Variants in ITGA6 observed in about 807,000 individuals in gnomAD.
ITGA6 encodes integrin alpha-6.
A neutral mutation model predicts 133.6 loss-of-function variants in ITGA6; 63 were observed. The ratio of observed to expected loss-of-function variants is 0.47; its 90% CI spans 0.38 to 0.58. The LOEUF (loss-of-function observed/expected upper bound fraction) is 0.58. Ranked by LOEUF, ITGA6 falls within the 20% of genes least tolerant of loss-of-function variation. The pLI is 0.00. For synonymous variants in ITGA6, 434 were observed against 482.0 expected (o/e 0.90, Z 1.30); for missense variants, 1,068 against 1,309.4 (o/e 0.82, Z 2.85).
chr2:172,504,237 T>G lies in ITGA6; in HGVS notation c.*169T>G, dbSNP rs1413323267. ...AGTGGATCACAAAGTGGAACGAAAATGAAAGCTACTCATAGCGGGGGCCTA... is the reference window on the plus strand; with the variant it reads ...AGTGGATCACAAAGTGGAACGAAAAGGAAAGCTACTCATAGCGGGGGCCTA... On this transcript the variant is annotated 3_prime_UTR_variant, in exon 26 of 26. Transcript: ENST00000684293. 1.0e-5 allele frequency: 16 copies of G among 1,570,990 alleles called. No homozygotes were observed. Among genetic ancestry groups the G allele is most frequent in the African/African-American group, 8.3e-5 (6 of 72,678 alleles).
chr2:172,493,001 T>C (rs1485497288), intron 23 of ITGA6, among the ~76,000 whole-genome samples: 1 of 152,152 alleles, frequency 6.6e-6, no homozygotes, highest in Non-Finnish European at 1.5e-5. Flanking sequence ...CTTGAATGCC[T>C]GGGCTCAAGC....
In ITGA6 at chr2:172,470,976, A is replaced by G; in HGVS notation, c.646A>G (p.Ile216Val). 1.2e-6 allele frequency: 2 copies of G among 1,613,714 alleles called. No homozygotes were observed. The highest frequency in any genetic ancestry group is 4.5e-5 in the East Asian group (2 of 44,872). Residue 216 changes from isoleucine (I) to valine (V), a missense_variant and splice_region_variant, in exon 5 of 26, where the codon ATT becomes GTT. Coordinates refer to ENST00000684293, the MANE Select transcript of ITGA6 (RefSeq NM_000210.4). ...TTTTTACCATTTCATTCCTTTAGGGATTGTTCGTGTAGAGCAAAAGAATAA... is the reference window on the plus strand; with the variant it reads ...TTTTTACCATTTCATTCCTTTAGGGGTTGTTCGTGTAGAGCAAAAGAATAA... ...GAPGTYNWKGIVRVEQKNNTF... is the reference protein window; with the variant it reads ...GAPGTYNWKGVVRVEQKNNTF...
chr2:172,428,181 G>C (rs2148986238), intron 1 of ITGA6: 1 of 288,684 alleles, frequency 3.5e-6, no homozygotes, highest in East Asian at 7.0e-5. Flanking sequence ...CGGGAAGGAG[G>C]AGAACCCGAG....
rs981716802 is a variant in ITGA6, at chr2:172,465,999, C to T, written c.307+336C>T. On this transcript the variant is annotated intron_variant, in intron 2 of 25. Coordinates refer to ENST00000684293, the MANE Select transcript of ITGA6 (RefSeq NM_000210.4). ...AGAATGAATGAGCGTATCTTGTATT[C>T]ATCAGCCAAAAGTTCTCACATGCTG... The T allele has an allele frequency of 6.2e-5, 24 of 385,920 alleles. 1 individual carries two copies. The highest frequency in any genetic ancestry group is 5.7e-4 in the South Asian group (24 of 42,004). The allele number at this position is 385,920 out of a possible 1,614,324, so 23.9% of individuals were successfully genotyped here.
intron 4 of ITGA6, 33 bp from the exon 5 acceptor site, chr2:172,470,941 T>G (rs1685905510): frequency 1.9e-6 from 3 of 1,610,078 alleles, no homozygotes; most frequent in Admixed American, 3.3e-5. Flanking sequence ...TCATCTTCAT[T>G]TTTTTGTTGT....
intron 23 of ITGA6, among the ~76,000 whole-genome samples, chr2:172,494,824 C>T (rs1687064921): frequency 6.6e-6 from 1 of 152,144 alleles, no homozygotes; most frequent in Admixed American, 6.5e-5. Context: ...ATATTGTCCC[C>T]ATTTATCCCT....
At position 172,465,641 on chromosome 2, in the gene ITGA6, G is replaced by A. The variant is rs771279582; in HGVS notation, c.285G>A (p.Thr95=). 6.8e-6 allele frequency: 11 copies of A among 1,614,244 alleles called. No homozygotes were observed. The highest frequency in any genetic ancestry group is 1.7e-5 in the Admixed American group (1 of 60,030). ...ACATCACCGCCCGGGGGCCATGCAC[G>A]CGGATCGAGTTTGATAACGATGGTG... ...SCDITARGPC[T]RIEFDNDADP... The change falls in exon 2 of 26, where the codon ACG becomes ACA. Residue 95 remains threonine, a synonymous_variant. Transcript: ENST00000684293.
intron 23 of ITGA6, among the ~76,000 whole-genome samples, chr2:172,496,150 A>G (rs191186154): frequency 4.1e-4 from 63 of 152,290 alleles, no homozygotes; most frequent in Admixed American, 3.7e-3. Context: ...TAACTATTCT[A>G]TTGCTTCACT....
chr2:172,487,282 A>G lies in ITGA6; in HGVS notation c.1989A>G (p.Glu663=), dbSNP rs1574400201. ...SYLPIQKGVP[E]LVLKDQKDIA... is the part of the protein sequence containing the mutation. ...TTAATAGTCAAAAAGGTGTACCAGA[A>G]CTAGTTCTAAAAGATCAGAAGGATA... The change falls in exon 15 of 26, where the codon GAA becomes GAG. Residue 663 remains glutamate (E), a synonymous_variant. Coordinates refer to ENST00000684293, the MANE Select transcript of ITGA6 (RefSeq NM_000210.4). 1 of 1,613,626 alleles carries G rather than the reference A, an allele frequency of 6.2e-7. No individual in the cohort carries two copies. The highest frequency in any genetic ancestry group is 8.5e-7 in the Non-Finnish European group (1 of 1,179,500).
At position 172,505,586 on chromosome 2, in the gene ITGA6, T is replaced by TTTAA. The variant is rs985751139; in HGVS notation, c.*1522_*1525dup. On this transcript the variant is annotated 3_prime_UTR_variant, in exon 26 of 26. Coordinates refer to ENST00000684293, the MANE Select transcript of ITGA6 (RefSeq NM_000210.4). Reference sequence around the variant, plus strand: ...TGAATAGATATGAAAGCTGATTTTTTTTAATTACCATGCTTCACAATGTTA... The same window carrying TTTAA: ...TGAATAGATATGAAAGCTGATTTTTTTTAATTAATTACCATGCTTCACAATGTTA... The TTTAA allele has an allele frequency of 2.0e-4, 31 of 152,768 alleles. No homozygotes were observed. Among genetic ancestry groups the TTTAA allele is most frequent in the Admixed American group, 1.1e-3 (17 of 15,308 alleles). 9.5% of individuals were successfully genotyped at this position (152,768 alleles called of 1,614,324 possible).
chr2:172,444,577 C>T (rs1414890713), intron 1 of ITGA6, among the ~76,000 whole-genome samples: 3 of 149,050 alleles, frequency 2.0e-5, no homozygotes, highest in Admixed American at 6.7e-5. Context: ...TGCAAATATT[C>T]CAAAATCCCC....
chr2:172,459,340 A>G (rs1685337166), intron 1 of ITGA6, among the ~76,000 whole-genome samples: 1 of 152,118 alleles, frequency 6.6e-6, no homozygotes, highest in African/African-American at 2.4e-5. Context: ...CCCATCTCTA[A>G]TAAAAGTACA....
intron 5 of ITGA6, chr2:172,472,646 G>T (rs1056763401): frequency 1.6e-6 from 1 of 636,654 alleles, no homozygotes; most frequent in East Asian, 2.7e-5. Context: ...TTGGAAGCTG[G>T]CAATGAGAGC....
At chr2:172,481,319 A>G (rs1265974617) in intron 11 of ITGA6, among the ~76,000 whole-genome samples, 1 of 152,242 alleles carries the variant, frequency 6.6e-6, no homozygotes, top group Non-Finnish European at 1.5e-5. Flanking sequence ...GAAACAGGAA[A>G]AAATAGCCAC....
At chr2:172,443,625 C>G (rs1684631153) in intron 1 of ITGA6, among the ~76,000 whole-genome samples, 1 of 152,176 alleles carries the variant, frequency 6.6e-6, no homozygotes, top group Non-Finnish European at 1.5e-5. Context: ...TGTTGGATCC[C>G]TGAAGGCTTC....
chr2:172,442,705 C>T (rs924286075), intron 1 of ITGA6, among the ~76,000 whole-genome samples: 5 of 152,136 alleles, frequency 3.3e-5, no homozygotes, highest in African/African-American at 1.2e-4. Context: ...GTGCCTGGCG[C>T]ACAGTAGGTA....
rs753433966 is a variant in ITGA6, at chr2:172,484,902, A to G, written c.1670A>G (p.Gln557Arg). 3 of 1,614,116 alleles carry G rather than the reference A, an allele frequency of 1.9e-6. No homozygotes were observed. The highest frequency in any genetic ancestry group is 2.5e-6 in the Non-Finnish European group (3 of 1,180,034). Residue 557 changes from glutamine (Q) to arginine (R), a missense_variant, in exon 12 of 26, where the codon CAG (glutamine) becomes CGG (arginine). Around this residue, in one of 3 missense-constraint regions of ITGA6, gnomAD observed 609 missense variants for 707.2 expected, o/e 0.86. Coordinates refer to ENST00000684293, the MANE Select transcript of ITGA6 (RefSeq NM_000210.4). Reference sequence around the variant, plus strand: ...ACTCAAGAACTAACTCTGAAGAGGCAGAAACAGAAAGTGTGCATGGAGGAA... The same window carrying G: ...ACTCAAGAACTAACTCTGAAGAGGCGGAAACAGAAAGTGTGCATGGAGGAA... The part of the protein sequence containing the change: ...KYTQELTLKR[Q>R]KQKVCMEETL...
intron 1 of ITGA6, among the ~76,000 whole-genome samples, chr2:172,456,251 A>G (rs1685203473): frequency 6.6e-6 from 1 of 152,220 alleles, no homozygotes; most frequent in Non-Finnish European, 1.5e-5. Context: ...CTTTGACCAG[A>G]TGAGCTTACC....
At chr2:172,472,714 G>A (rs1385761834) in intron 5 of ITGA6, 2 of 1,098,242 alleles carry the variant, frequency 1.8e-6, no homozygotes, top group African/African-American at 3.1e-5. Context: ...TGGCTGTCCT[G>A]CCTCTTACCA....
Sources: gnomAD v4.1 joint callset for allele counts (sites outside exome capture counted in the v4.1 genomes callset) on GRCh38, gnomAD v4.1.1 for gene constraint, gnomAD v4.1.1 regional missense constraint, MANE v1.5 for transcripts, NCBI Gene and HGNC (gene_info 2026-07-23, HGNC 2026-07-21) for gene names.